The following CDH13 variants were observed in gnomAD, a reference collection of about 807,000 sequenced individuals.
The protein encoded by CDH13 is cadherin-13.
In CDH13, 24 loss-of-function variants were observed where a neutral mutation model predicts 63.8. The observed-to-expected ratio is 0.38, with a 90% CI of 0.27 to 0.53. CDH13 has a LOEUF of 0.53. Ranked by LOEUF, CDH13 falls within the 20% of genes least tolerant of loss-of-function variation. The probability of loss-of-function intolerance (pLI) is 0.85; values close to 1 mark genes in which losing one functional copy is unlikely to be tolerated. For synonymous variants in CDH13, 503 were observed against 355.3 expected, an observed-to-expected ratio of 1.42 and a Z score of -4.67; for missense variants, 1,049 against 903.1, an observed-to-expected ratio of 1.16 and a Z score of -2.07.
At chr16:83,788,491 A>C (rs1054923256) in intron 13 of CDH13, among the ~76,000 whole-genome samples, 1 of 148,612 alleles carries the variant, frequency 6.7e-6, no homozygotes, top group African/African-American at 2.5e-5. Flanking sequence ...TAAAAAAAAA[A>C]GACTTGGCAG....
chr16:82,887,994 T>C (rs1027998146), intron 2 of CDH13, among the ~76,000 whole-genome samples: 3 of 152,166 alleles, frequency 2.0e-5, no homozygotes, highest in African/African-American at 2.4e-5. Context: ...AAACACACTG[T>C]TACTTCAGAA....
intron 1 of CDH13, among the ~76,000 whole-genome samples, chr16:82,803,517 A>G (rs189964567): frequency 6.6e-6 from 1 of 152,140 alleles, no homozygotes. Flanking sequence ...ATTTTTTCTG[A>G]ATGGGAAGTT....
At chr16:82,698,981 G>A (rs78328051) in intron 1 of CDH13, among the ~76,000 whole-genome samples, 3,230 of 151,934 alleles carry the variant, frequency 0.021, 51 homozygotes, top group Non-Finnish European at 0.031. Context: ...TAGCTTCCAG[G>A]CTGTATAAAA....
At chr16:83,439,353 A>G (rs1567673261) in intron 6 of CDH13, among the ~76,000 whole-genome samples, 1 of 152,226 alleles carries the variant, frequency 6.6e-6, no homozygotes, top group Non-Finnish European at 1.5e-5. Context: ...AGTTGGGTTG[A>G]TTGCTCATTG....
At chr16:83,618,406 C>G (rs1191523300) in intron 8 of CDH13, among the ~76,000 whole-genome samples, 1 of 142,828 alleles carries the variant, frequency 7.0e-6, no homozygotes, top group Non-Finnish European at 1.5e-5. Flanking sequence ...GCCTGGAGAA[C>G]AGAGAGAGAC....
At chr16:83,227,721 A>C (rs1217528321) in intron 5 of CDH13, among the ~76,000 whole-genome samples, 1 of 152,118 alleles carries the variant, frequency 6.6e-6, no homozygotes, top group Non-Finnish European at 1.5e-5. Flanking sequence ...AGTCTAGAGA[A>C]GTGGAGGAAA....
At chr16:82,649,175 A>G (rs1910447506) in intron 1 of CDH13, among the ~76,000 whole-genome samples, 1 of 152,202 alleles carries the variant, frequency 6.6e-6, no homozygotes, top group Admixed American at 6.5e-5. Context: ...TAATATTCCT[A>G]TTTTACAAAT....
At chr16:83,074,708 T>C (rs1209296874) in intron 3 of CDH13, among the ~76,000 whole-genome samples, 1 of 152,224 alleles carries the variant, frequency 6.6e-6, no homozygotes, top group Non-Finnish European at 1.5e-5. Context: ...CTTTGGAGCC[T>C]TCCTTCATAG....
At chr16:83,524,325 A>T (rs954813666) in intron 7 of CDH13, among the ~76,000 whole-genome samples, 1 of 152,190 alleles carries the variant, frequency 6.6e-6, no homozygotes, top group Non-Finnish European at 1.5e-5. Flanking sequence ...TAGATTTAAA[A>T]ATGTATAACC....
intron 7 of CDH13, among the ~76,000 whole-genome samples, chr16:83,572,298 T>G (rs372814030): frequency 6.6e-6 from 1 of 151,298 alleles, no homozygotes; most frequent in African/African-American, 2.4e-5. Flanking sequence ...GCGATTCTCA[T>G]GCCTCAGCCT....
At chr16:82,701,570 G>A (rs987424349) in intron 1 of CDH13, among the ~76,000 whole-genome samples, 8 of 152,116 alleles carry the variant, frequency 5.3e-5, no homozygotes, top group African/African-American at 1.4e-4. Flanking sequence ...CTTGTCATCA[G>A]GAATATGTCC....
At position 83,622,355 on chromosome 16, in the gene CDH13, G is replaced by A. The variant is rs183691746; in HGVS notation, c.1101+19761G>A. ...CCCCTGAGCTTCTACACACTCTTCC[G>A]GCCCCATGGGATTCCGAAATGAGAG... On this transcript the variant is annotated intron_variant, in intron 8 of 13. Coordinates refer to ENST00000567109, the MANE Select transcript of CDH13 (RefSeq NM_001257.5). Among the ~76,000 whole-genome samples, 14 of 152,182 alleles carry A rather than the reference G, an allele frequency of 9.2e-5. No individual in the cohort carries two copies. In the East Asian group the frequency reaches 9.7e-4, roughly 10 times the overall value.
At chr16:82,898,157 G>A (rs1157089070) in intron 2 of CDH13, among the ~76,000 whole-genome samples, 1 of 152,188 alleles carries the variant, frequency 6.6e-6, no homozygotes, top group East Asian at 1.9e-4. Context: ...GTCATATAAT[G>A]TTAAACGAAA....
chr16:82,698,515 G>A (rs1264687792), intron 1 of CDH13, among the ~76,000 whole-genome samples: 3 of 152,228 alleles, frequency 2.0e-5, no homozygotes, highest in Non-Finnish European at 4.4e-5. Context: ...AGCTGAGCTT[G>A]TTCACGTATT....
At chr16:83,248,771 C>T (rs1905208906) in intron 5 of CDH13, among the ~76,000 whole-genome samples, 1 of 152,128 alleles carries the variant, frequency 6.6e-6, no homozygotes, top group African/African-American at 2.4e-5. Context: ...ACAATCTTAA[C>T]CACACCCGTA....
chr16:83,357,789 T>G (rs1455078595), intron 6 of CDH13, among the ~76,000 whole-genome samples: 6 of 152,192 alleles, frequency 3.9e-5, no homozygotes, highest in African/African-American at 1.2e-4. Context: ...AAATGTAAAG[T>G]TGGCAGGAGA....
At chr16:83,489,329 A>T (rs1294874890) in intron 7 of CDH13, among the ~76,000 whole-genome samples, 1 of 152,200 alleles carries the variant, frequency 6.6e-6, no homozygotes, top group East Asian at 1.9e-4. Flanking sequence ...GTCACAAAAC[A>T]TCAACAGCCC....
chr16:83,140,327 C>G (rs1259113822), intron 4 of CDH13, among the ~76,000 whole-genome samples: 4 of 152,222 alleles, frequency 2.6e-5, no homozygotes, highest in Admixed American at 6.5e-5. Flanking sequence ...TTCTTCATGT[C>G]CTTCATCAAC....
intron 2 of CDH13, among the ~76,000 whole-genome samples, chr16:83,004,011 T>A (rs1177163451): frequency 6.6e-6 from 1 of 152,210 alleles, no homozygotes; most frequent in Non-Finnish European, 1.5e-5. Flanking sequence ...CAATCGAATG[T>A]GTCAGACTAA....
Sources: allele counts gnomAD v4.1 joint callset (sites outside exome capture counted in the v4.1 genomes callset), GRCh38; gene constraint gnomAD v4.1.1; transcripts MANE v1.5; gene names NCBI Gene and HGNC (gene_info 2026-07-23, HGNC 2026-07-21).